Variants in LDB2 observed in about 807,000 individuals in gnomAD.
LDB2 encodes the protein LIM domain-binding protein 2.
A neutral mutation model predicts 44.3 loss-of-function variants in LDB2; 12 were observed. The ratio of observed to expected loss-of-function variants is 0.27; its 90% CI spans 0.17 to 0.44. LDB2 has a LOEUF of 0.44. Ranked by LOEUF, LDB2 falls within the 20% of genes least tolerant of loss-of-function variation. LDB2 has a pLI of 1.00. For missense variants in LDB2, 344 were observed against 473.5 expected (o/e 0.73, Z 2.54); for synonymous variants, 164 against 174.8 (o/e 0.94, Z 0.49).
chr4:16,769,867 G>T (rs930308171), intron 1 of LDB2, among the ~76,000 whole-genome samples: 1 of 152,156 alleles, frequency 6.6e-6, no homozygotes, highest in Non-Finnish European at 1.5e-5. Flanking sequence ...AGTGCCTGTG[G>T]ATGCTGCCTT....
chr4:16,559,419 G>C (rs1188930327), intron 5 of LDB2, among the ~76,000 whole-genome samples: 1 of 152,116 alleles, frequency 6.6e-6, no homozygotes, highest in Non-Finnish European at 1.5e-5. Context: ...TGCAATCCTA[G>C]TCTCTGACAA....
intron 2 of LDB2, among the ~76,000 whole-genome samples, chr4:16,737,601 T>C (rs542121618): frequency 1.3e-5 from 2 of 152,228 alleles, no homozygotes; most frequent in South Asian, 4.2e-4. Context: ...AAACAGAACA[T>C]TTCAGAGGCA....
chr4:16,631,800 A>G (rs1323299760), intron 2 of LDB2, among the ~76,000 whole-genome samples: 1 of 152,240 alleles, frequency 6.6e-6, no homozygotes, highest in Non-Finnish European at 1.5e-5. Context: ...AGAGAATGCT[A>G]CAAACACCTC....
intron 2 of LDB2, among the ~76,000 whole-genome samples, chr4:16,640,468 G>A (rs1318088541): frequency 6.6e-6 from 1 of 152,150 alleles, no homozygotes; most frequent in Admixed American, 6.5e-5. Context: ...ATGCCACGAG[G>A]ACAATATTAG....
chr4:16,809,256 C>T (rs1561300589), intron 1 of LDB2, among the ~76,000 whole-genome samples: 1 of 152,152 alleles, frequency 6.6e-6, no homozygotes, highest in Non-Finnish European at 1.5e-5. Flanking sequence ...GTTACAGCAG[C>T]TATCACTATC....
chr4:16,885,339 A>G (rs983678557), intron 1 of LDB2, among the ~76,000 whole-genome samples: 10 of 151,982 alleles, frequency 6.6e-5, no homozygotes, highest in Non-Finnish European at 1.3e-4. Context: ...CAAAAAAATA[A>G]AAAAAGAAAG....
intron 2 of LDB2, among the ~76,000 whole-genome samples, chr4:16,734,494 A>T (rs1344917993): frequency 6.6e-6 from 1 of 152,112 alleles, no homozygotes; most frequent in Non-Finnish European, 1.5e-5. Context: ...AAAACAAAAA[A>T]AGGTTCTCCA....
intron 1 of LDB2, among the ~76,000 whole-genome samples, chr4:16,814,311 C>A (rs1780509020): frequency 6.6e-6 from 1 of 152,166 alleles, no homozygotes; most frequent in African/African-American, 2.4e-5. Flanking sequence ...TGTTCCAGGG[C>A]AACCATGTGT....
At chr4:16,637,045 A>AATTCC (rs1367705852) in intron 2 of LDB2, among the ~76,000 whole-genome samples, 1 of 152,180 alleles carries the variant, frequency 6.6e-6, no homozygotes. Context: ...TAGGTGCGGA[A>AATTCC]ATTCCTCAAA....
chr4:16,877,506 G>A (rs1305272417), intron 1 of LDB2, among the ~76,000 whole-genome samples: 1 of 152,352 alleles, frequency 6.6e-6, no homozygotes, highest in East Asian at 1.9e-4. Flanking sequence ...AAACTGATGT[G>A]TGTTTATGAT....
intron 2 of LDB2, among the ~76,000 whole-genome samples, chr4:16,659,671 G>GTGTGTGTATATATATATATATATATATA (rs1315288524): frequency 2.2e-3 from 287 of 133,336 alleles, no homozygotes; most frequent in Non-Finnish European, 3.6e-3. Context: ...ATCTATGTGT[G>GTGTGTGTATATATATATATATATATATA]TATATATATA....
intron 1 of LDB2, among the ~76,000 whole-genome samples, chr4:16,788,828 C>T (rs1327414233): frequency 6.6e-6 from 1 of 152,190 alleles, no homozygotes; most frequent in Non-Finnish European, 1.5e-5. Flanking sequence ...CCTCCTTATA[C>T]TCCTGGAAGC....
At chr4:16,719,672 A>C (rs1220326345) in intron 2 of LDB2, among the ~76,000 whole-genome samples, 1 of 152,118 alleles carries the variant, frequency 6.6e-6, no homozygotes, top group African/African-American at 2.4e-5. Flanking sequence ...CTAATGCAGC[A>C]GTGTTGAGAG....
chr4:16,894,361 A>C lies in LDB2; in HGVS notation c.132+3993T>G, dbSNP rs571290155. 5.9e-5 allele frequency among the ~76,000 whole-genome samples: 9 copies of C among 152,248 alleles called. No individual in the cohort carries two copies. The South Asian group carries it at 1.7e-3, about 28-fold the overall frequency. ...TGATGCTAACCTCAGAATTTTTCTT[A>C]ATTTCATTTTAAAGGGTGGGAAGAG... On this transcript the variant is annotated intron_variant, in intron 1 of 7. Transcript: ENST00000304523.
intron 1 of LDB2, among the ~76,000 whole-genome samples, chr4:16,802,001 A>G (rs983144722): frequency 6.6e-6 from 1 of 152,164 alleles, no homozygotes; most frequent in South Asian, 2.1e-4. Flanking sequence ...CTCTTTCCAA[A>G]GTGTGCTTAC....
At chr4:16,538,922 C>T (rs1364612751) in intron 5 of LDB2, among the ~76,000 whole-genome samples, 2 of 152,186 alleles carry the variant, frequency 1.3e-5, no homozygotes, top group African/African-American at 2.4e-5. Flanking sequence ...AATAAGTCAT[C>T]TGAAGCCATA....
chr4:16,881,489 CA>C, intron 1 of LDB2, among the ~76,000 whole-genome samples: 1 of 152,082 alleles, frequency 6.6e-6, no homozygotes, highest in Non-Finnish European at 1.5e-5. Context: ...TTTCTTTTTT[CA>C]TCCAGGCTCC....
chr4:16,566,570 T>C (rs1407286136), intron 5 of LDB2, among the ~76,000 whole-genome samples: 1 of 152,056 alleles, frequency 6.6e-6, no homozygotes, highest in East Asian at 1.9e-4. Flanking sequence ...ATTTTAAAGG[T>C]GGCATTAGAA....
At chr4:16,876,743 T>G (rs900625856) in intron 1 of LDB2, among the ~76,000 whole-genome samples, 1 of 152,098 alleles carries the variant, frequency 6.6e-6, no homozygotes, top group African/African-American at 2.4e-5. Flanking sequence ...AGCATTAAAC[T>G]GATCCCTACC....
Sources: allele counts gnomAD v4.1 joint callset (sites outside exome capture counted in the v4.1 genomes callset), GRCh38; gene constraint gnomAD v4.1.1; transcripts MANE v1.5; gene names NCBI Gene and HGNC (gene_info 2026-07-23, HGNC 2026-07-21).